FHOD3: variants seen among roughly 807,000 people sequenced by gnomAD.
FHOD3 encodes FH1/FH2 domain-containing protein 3.
FHOD3 carries 90 observed loss-of-function variants against 173.0 expected under a neutral mutation model. The observed-to-expected ratio is 0.52, with a 90% confidence interval of 0.44 to 0.62. FHOD3 has a LOEUF of 0.62. Among genes scored for constraint, FHOD3 ranks in the 20% least tolerant of loss-of-function variants. FHOD3 has a pLI of 0.00. For missense variants in FHOD3, 1,945 were observed against 2,034.7 expected, an observed-to-expected ratio of 0.96 and a Z score of 0.85; for synonymous variants, 828 against 823.0, an observed-to-expected ratio of 1.01 and a Z score of -0.10.
intron 10 of FHOD3, among the ~76,000 whole-genome samples, chr18:36,632,678 C>T (rs753546040): frequency 5.3e-5 from 8 of 152,084 alleles, no homozygotes; most frequent in Non-Finnish European, 1.0e-4. Flanking sequence ...GCAGCCTCTG[C>T]GTTGTCCTGG....
rs567306704 is a variant in FHOD3, at chr18:36,779,223, C to T, written c.4787-225C>T. ...CTCCTCTCGGCCCTCCAAATCAGCA[C>T]CTGTGGCATTGTTAGGCCAGCCTGT... On this transcript the variant is annotated intron_variant, in intron 28 of 28. Transcript: ENST00000590592. 55 of 568,690 alleles carry T rather than the reference C, an allele frequency of 9.7e-5. No homozygotes were observed. The African/African-American group carries it at 9.9e-4, about 10-fold the overall frequency. The allele number at this position is 568,690 out of a possible 1,614,324, so 35.2% of individuals were successfully genotyped here. A position where few individuals can be genotyped will look rare whatever the true frequency, so the allele number is the denominator to read the frequency against.
intron 8 of FHOD3, among the ~76,000 whole-genome samples, chr18:36,605,232 A>T (rs556098160): frequency 1.1e-4 from 17 of 152,350 alleles, no homozygotes; most frequent in African/African-American, 4.1e-4. Flanking sequence ...CACCGAATTC[A>T]GCAAAAATGG....
intron 24 of FHOD3, among the ~76,000 whole-genome samples, chr18:36,751,201 G>A (rs552483531): frequency 6.6e-6 from 1 of 152,248 alleles, no homozygotes; most frequent in African/African-American, 2.4e-5. Flanking sequence ...TCACCTCCCT[G>A]GTTAGCTGTA....
intron 1 of FHOD3, among the ~76,000 whole-genome samples, chr18:36,298,580 G>GCT (rs1173431982): frequency 6.6e-6 from 1 of 152,150 alleles, no homozygotes; most frequent in African/African-American, 2.4e-5. Context: ...CTGCGATAGC[G>GCT]CTCAGGGTAT....
At chr18:36,464,373 G>C (rs1430580979) in intron 3 of FHOD3, among the ~76,000 whole-genome samples, 1 of 152,174 alleles carries the variant, frequency 6.6e-6, no homozygotes, top group East Asian at 1.9e-4. Context: ...AATGCTTACT[G>C]CTATTTGAGA....
chr18:36,742,415 A>G (rs986400490), intron 21 of FHOD3, among the ~76,000 whole-genome samples: 1 of 152,178 alleles, frequency 6.6e-6, no homozygotes, highest in Non-Finnish European at 1.5e-5. Context: ...CTAGAAGCCG[A>G]AGGAAGATGA....
chr18:36,536,059 TG>T (rs1248762375), intron 5 of FHOD3, among the ~76,000 whole-genome samples: 1 of 152,206 alleles, frequency 6.6e-6, no homozygotes, highest in African/African-American at 2.4e-5. Flanking sequence ...TTCACTTAAT[TG>T]GGGTCCAAAG....
intron 3 of FHOD3, among the ~76,000 whole-genome samples, chr18:36,377,633 G>C (rs1443159636): frequency 6.6e-6 from 1 of 152,230 alleles, no homozygotes; most frequent in Non-Finnish European, 1.5e-5. Context: ...CATGAGGCCT[G>C]AATGGTGATG....
chr18:36,697,955 A>T (rs1018759062), intron 17 of FHOD3, among the ~76,000 whole-genome samples: 2 of 152,142 alleles, frequency 1.3e-5, no homozygotes, highest in African/African-American at 4.8e-5. Flanking sequence ...CTCTGAGGTT[A>T]TCTAATCCAC....
chr18:36,376,716 C>T (rs2047455711), intron 3 of FHOD3, among the ~76,000 whole-genome samples: 1 of 152,220 alleles, frequency 6.6e-6, no homozygotes, highest in Admixed American at 6.5e-5. Context: ...TTTCCAGCAA[C>T]AGAAACATCA....
chr18:36,692,988 C>T (rs1467155513), intron 16 of FHOD3: 2 of 585,800 alleles, frequency 3.4e-6, no homozygotes, highest in South Asian at 2.0e-5. Context: ...GTGATGCTGC[C>T]ATTTCCCCCA....
At chr18:36,529,526 A>G (rs1244338443) in intron 5 of FHOD3, among the ~76,000 whole-genome samples, 5 of 152,162 alleles carry the variant, frequency 3.3e-5, no homozygotes, top group African/African-American at 1.2e-4. Flanking sequence ...AGATGTAAAA[A>G]GGTTAAGGTG....
At chr18:36,688,469 A>G (rs919257182) in intron 16 of FHOD3, among the ~76,000 whole-genome samples, 3 of 152,216 alleles carry the variant, frequency 2.0e-5, no homozygotes, top group Admixed American at 6.5e-5. Context: ...TTTGATTCCA[A>G]CATTCTATTT....
intron 10 of FHOD3, among the ~76,000 whole-genome samples, chr18:36,643,321 G>A (rs1568540555): frequency 6.6e-6 from 1 of 151,846 alleles, no homozygotes; most frequent in Non-Finnish European, 1.5e-5. Flanking sequence ...TGTGCATTGT[G>A]GGATGTTTTA....
At position 36,649,367 on chromosome 18, in the gene FHOD3, A is replaced by G. The variant is rs534901959; in HGVS notation, c.1248A>G (p.Glu416=). 5.5e-5 allele frequency: 84 copies of G among 1,535,680 alleles called. No individual in the cohort carries two copies. In the African/African-American group the frequency reaches 9.4e-4, roughly 17 times the overall value. The part of the protein sequence containing the change: ...EQPITEPSSE[E]EREDDASCQG... ...CAATCACGGAGCCCAGTTCCGAAGAAGAGAGAGAGGATGATGCTTCCTGTC... is the reference window on the plus strand; with the variant it reads ...CAATCACGGAGCCCAGTTCCGAAGAGGAGAGAGAGGATGATGCTTCCTGTC... Residue 416 remains glutamate (E), a synonymous_variant, in exon 11 of 29, where the codon GAA becomes GAG. Coordinates refer to ENST00000590592, the MANE Select transcript of FHOD3 (RefSeq NM_001281740.3).
chr18:36,592,548 C>G (rs564701276), intron 6 of FHOD3, among the ~76,000 whole-genome samples: 1 of 152,294 alleles, frequency 6.6e-6, no homozygotes, highest in Admixed American at 6.5e-5. Context: ...CAGGCAGCAC[C>G]CTGAGCATGA....
intron 3 of FHOD3, among the ~76,000 whole-genome samples, chr18:36,380,588 C>A (rs760327049): frequency 1.8e-5 from 2 of 112,238 alleles, no homozygotes; most frequent in African/African-American, 7.3e-5. Flanking sequence ...TTTTCCTTTC[C>A]TTTCCTTTCC....
chr18:36,629,950 C>CTAGTGG, intron 10 of FHOD3, among the ~76,000 whole-genome samples: 1 of 152,104 alleles, frequency 6.6e-6, no homozygotes, highest in South Asian at 2.1e-4. Context: ...TGGGTGGAGT[C>CTAGTGG]CAGGAATGCT....
chr18:36,698,672 A>C (rs2039416027), intron 17 of FHOD3, among the ~76,000 whole-genome samples: 1 of 152,210 alleles, frequency 6.6e-6, no homozygotes, highest in South Asian at 2.1e-4. Context: ...AGAGCTATGA[A>C]GGAACTGAAA....
Sources: allele counts gnomAD v4.1 joint callset (sites outside exome capture counted in the v4.1 genomes callset), GRCh38; gene constraint gnomAD v4.1.1; transcripts MANE v1.5; gene names NCBI Gene and HGNC (gene_info 2026-07-23, HGNC 2026-07-21).